CD47: variants seen among roughly 807,000 people sequenced by gnomAD.
CD47 encodes leukocyte surface antigen CD47.
CD47 carries 11 observed loss-of-function variants against 44.6 expected under a neutral mutation model. The ratio of observed to expected loss-of-function variants is 0.25; its 90% CI spans 0.16 to 0.41. The LOEUF is 0.41. CD47 is among the 10% of genes least tolerant of loss of function. The pLI is 1.00. For missense variants in CD47, 306 were observed against 386.7 expected (o/e 0.79, Z 1.75); for synonymous variants, 140 against 136.3 (o/e 1.03, Z -0.19).
At chr3:108,089,189 A>C (rs1268983022) in intron 1 of CD47, among the ~76,000 whole-genome samples, 1 of 152,288 alleles carries the variant, frequency 6.6e-6, no homozygotes, top group East Asian at 1.9e-4. Context: ...ACACAACTCA[A>C]CTGCATAATG....
At chr3:108,050,794 G>A (rs1473808783) in intron 8 of CD47, 192 bp from the exon 9 acceptor site, 1 of 501,990 alleles carries the variant, frequency 2.0e-6, no homozygotes, top group Admixed American at 2.8e-5. Flanking sequence ...CGGGTTAATA[G>A]TTTAATAATA....
At position 108,080,112 on chromosome 3, in the gene CD47, T is replaced by G. The variant is rs1417986062; in HGVS notation, c.279A>C (p.Lys93Asn). The G allele has an allele frequency of 6.2e-7, 1 of 1,612,912 alleles. No individual in the cohort carries two copies. The change falls in exon 2 of 11, where the codon AAA becomes AAC. Residue 93 changes from lysine (K) to asparagine (N), a missense_variant. Around this residue, in one of 5 missense-constraint regions of CD47, gnomAD observed 47 missense variants for 36.2 expected, o/e 1.30. Coordinates refer to ENST00000361309, the MANE Select transcript of CD47 (RefSeq NM_001777.4). ...TATCCATCTTCAAAGAGGCATCTCCTTTTAGTAATTGTGAGACTTCAATTT... is the reference window on the plus strand; with the variant it reads ...TATCCATCTTCAAAGAGGCATCTCCGTTTAGTAATTGTGAGACTTCAATTT... ...SAKIEVSQLL[K>N]GDASLKMDKS...
chr3:108,056,159 A>G (rs1212627019), intron 7 of CD47, among the ~76,000 whole-genome samples: 1 of 152,210 alleles, frequency 6.6e-6, no homozygotes, highest in Non-Finnish European at 1.5e-5. Context: ...TGTAACAAAA[A>G]TAGAATATGC....
Position 108,049,662 on chromosome 3 carries a change from T to C in CD47, c.935-11A>G, listed in dbSNP as rs1361397318. 6.2e-7 allele frequency: 1 copy of C among 1,600,234 alleles called. No homozygotes were observed. Among genetic ancestry groups the C allele is most frequent in the East Asian group, 2.2e-5 (1 of 44,782 alleles). On this transcript the variant is annotated splice_polypyrimidine_tract_variant and intron_variant, in intron 9 of 10. Coordinates refer to ENST00000361309, the MANE Select transcript of CD47 (RefSeq NM_001777.4). ...TTGATTCTTTGAATGCTAGGATTAG[T>C]AACAAGCCAAGCAGGCAGTTAGTGA... is the stretch of plus-strand genomic sequence containing the variant.
chr3:108,084,557 C>A lies in CD47; in HGVS notation c.47-4213G>T, dbSNP rs189348104. ...CTTTTAAATAAAAAACTGAATCATGCACTGCCTTTCTTCTAAACTGCAGAT... is the reference window on the plus strand; with the variant it reads ...CTTTTAAATAAAAAACTGAATCATGAACTGCCTTTCTTCTAAACTGCAGAT... On this transcript the variant is annotated intron_variant, in intron 1 of 10. Coordinates refer to ENST00000361309, the MANE Select transcript of CD47 (RefSeq NM_001777.4). 5.1e-4 allele frequency among the ~76,000 whole-genome samples: 77 copies of A among 152,216 alleles called. No homozygotes were observed. In the South Asian group the frequency reaches 7.5e-3, roughly 15 times the overall value.
At position 108,067,079 on chromosome 3, in the gene CD47, C is replaced by T. The variant is rs555328880; in HGVS notation, c.490+4014G>A. Among the ~76,000 whole-genome samples, 8 of 152,314 alleles carry T rather than the reference C, an allele frequency of 5.3e-5. No individual in the cohort carries two copies. In the East Asian group the frequency reaches 1.5e-3, roughly 29 times the overall value. On this transcript the variant is annotated intron_variant, in intron 3 of 10. Coordinates refer to ENST00000361309, the MANE Select transcript of CD47 (RefSeq NM_001777.4). ...TCCAAAGTTATGCAAGAAGAACACACAAGTGTTGTTCAAACTACTCTTGAT... is the reference window on the plus strand; with the variant it reads ...TCCAAAGTTATGCAAGAAGAACACATAAGTGTTGTTCAAACTACTCTTGAT...
At chr3:108,081,014 T>C (rs1469700466) in intron 1 of CD47, among the ~76,000 whole-genome samples, 1 of 151,846 alleles carries the variant, frequency 6.6e-6, no homozygotes, top group African/African-American at 2.4e-5. Flanking sequence ...ATGGGAGTCT[T>C]GAATGACATT....
At chr3:108,056,818 A>T (rs1291026352) in intron 7 of CD47, among the ~76,000 whole-genome samples, 1 of 152,198 alleles carries the variant, frequency 6.6e-6, no homozygotes, top group African/African-American at 2.4e-5. Context: ...GATTAAATAT[A>T]CAAGTTAGAA....
At chr3:108,078,614 T>G (rs1017676587) in intron 2 of CD47, among the ~76,000 whole-genome samples, 1 of 151,984 alleles carries the variant, frequency 6.6e-6, no homozygotes, top group Non-Finnish European at 1.5e-5. Flanking sequence ...AAGGTATACT[T>G]AACAACAACA....
At chr3:108,066,401 A>G (rs921938153) in intron 3 of CD47, among the ~76,000 whole-genome samples, 2 of 152,238 alleles carry the variant, frequency 1.3e-5, no homozygotes, top group Non-Finnish European at 2.9e-5. Context: ...CAATTACCAC[A>G]ATATATTAAC....
chr3:108,068,030 C>A (rs941286403), intron 3 of CD47, among the ~76,000 whole-genome samples: 1 of 152,164 alleles, frequency 6.6e-6, no homozygotes, highest in Admixed American at 6.5e-5. Context: ...TGAGAGAAAT[C>A]CCCTGTAGCC....
intron 2 of CD47, among the ~76,000 whole-genome samples, chr3:108,071,435 G>A (rs562551982): frequency 1.2e-4 from 18 of 152,122 alleles, no homozygotes; most frequent in Non-Finnish European, 2.2e-4. Context: ...TATGTTTCAC[G>A]GGAGGAGGTA....
At chr3:108,049,827 C>A (rs915977123) in intron 9 of CD47, among the ~76,000 whole-genome samples, 176 bp from the exon 10 acceptor site, 12 of 152,100 alleles carry the variant, frequency 7.9e-5, no homozygotes, top group African/African-American at 2.9e-4. Flanking sequence ...ACAGCATTCA[C>A]AAAGGAAACA....
chr3:108,083,029 C>G (rs2079447036), intron 1 of CD47, among the ~76,000 whole-genome samples: 1 of 151,946 alleles, frequency 6.6e-6, no homozygotes, highest in Non-Finnish European at 1.5e-5. Context: ...TGCCTACTCC[C>G]TTCTCATAAA....
chr3:108,047,492 T>TA (rs1399159379), intron 10 of CD47, among the ~76,000 whole-genome samples, 200 bp from the exon 11 acceptor site: 2 of 152,176 alleles, frequency 1.3e-5, no homozygotes, highest in Non-Finnish European at 2.9e-5. Flanking sequence ...CAAATGAAAG[T>TA]AAAAAATCAA....
At chr3:108,066,974 G>C (rs888495555) in intron 3 of CD47, among the ~76,000 whole-genome samples, 3 of 152,136 alleles carry the variant, frequency 2.0e-5, no homozygotes, top group African/African-American at 7.2e-5. Context: ...GAGTGCAAAG[G>C]ATAAAACGGT....
chr3:108,067,682 G>T (rs2079127853), intron 3 of CD47, among the ~76,000 whole-genome samples: 1 of 152,212 alleles, frequency 6.6e-6, no homozygotes, highest in Admixed American at 6.5e-5. Context: ...TAAGCATAGA[G>T]ATTCTGCTTA....
chr3:108,073,278 A>C (rs1271571757), intron 2 of CD47, among the ~76,000 whole-genome samples: 1 of 151,620 alleles, frequency 6.6e-6, no homozygotes, highest in African/African-American at 2.4e-5. Flanking sequence ...TTAATATATT[A>C]ATATTAATTT....
intron 1 of CD47, among the ~76,000 whole-genome samples, chr3:108,081,048 C>T (rs1453895757): frequency 6.6e-6 from 1 of 151,804 alleles, no homozygotes; most frequent in Non-Finnish European, 1.5e-5. Context: ...ATTTCATTGA[C>T]ACTACAGAAC....
Sources: gnomAD v4.1 joint callset for allele counts (sites outside exome capture counted in the v4.1 genomes callset) on GRCh38, gnomAD v4.1.1 for gene constraint, gnomAD v4.1.1 regional missense constraint, MANE v1.5 for transcripts, NCBI Gene and HGNC (gene_info 2026-07-23, HGNC 2026-07-21) for gene names.